The following GLIS3 variants were observed in gnomAD, a reference collection of about 807,000 sequenced individuals.
The protein encoded by GLIS3 is zinc finger protein GLIS3.
Under a neutral mutation model 78.6 loss-of-function variants are expected in GLIS3, and 53 were observed. The observed-to-expected ratio is 0.67, with a 90% CI of 0.54 to 0.85. GLIS3 has a LOEUF of 0.85. GLIS3 is among the 40% of genes least tolerant of loss of function. The probability of loss-of-function intolerance (pLI) is 0.00; values close to 1 mark genes in which losing one functional copy is unlikely to be tolerated. For synonymous variants in GLIS3, 684 were observed against 509.9 expected (o/e 1.34, Z -4.60); for missense variants, 1,703 against 1,231.1 (o/e 1.38, Z -5.74).
At chr9:4,322,308 G>C (rs1465061862) in intron 2 of GLIS3, among the ~76,000 whole-genome samples, 1 of 152,106 alleles carries the variant, frequency 6.6e-6, no homozygotes, top group Non-Finnish European at 1.5e-5. Flanking sequence ...TTCGAAGTCT[G>C]TGCTGTTGTG....
At chr9:3,864,956 G>A (rs1006963066) in intron 8 of GLIS3, among the ~76,000 whole-genome samples, 16 of 152,100 alleles carry the variant, frequency 1.1e-4, no homozygotes, top group African/African-American at 3.1e-4. Flanking sequence ...CACAGACCTG[G>A]TTCTCAACTT....
At chr9:4,011,152 A>G (rs1369567848) in intron 4 of GLIS3, among the ~76,000 whole-genome samples, 2 of 152,122 alleles carry the variant, frequency 1.3e-5, no homozygotes, top group African/African-American at 2.4e-5. Flanking sequence ...AGAGTCCAAA[A>G]TGCATGCCAG....
chr9:4,187,051 T>C (rs973643187), intron 2 of GLIS3, among the ~76,000 whole-genome samples: 26 of 152,332 alleles, frequency 1.7e-4, no homozygotes, highest in Non-Finnish European at 3.7e-4. Flanking sequence ...TTCAGTGTTT[T>C]AGACATGAAG....
At chr9:4,447,152 A>T in the GLIS3 span, among the ~76,000 whole-genome samples, 27 of 151,942 alleles carry the variant, frequency 1.8e-4, no homozygotes, top group African/African-American at 6.5e-4. Context: ...GGCTCAAATG[A>T]TTCTCCCACC....
chr9:4,054,196 G>A (rs1036334129), intron 4 of GLIS3: 59 of 362,202 alleles, frequency 1.6e-4, no homozygotes, highest in African/African-American at 1.3e-3. Flanking sequence ...ACAGCAGGAA[G>A]CCTGTCCACA....
chr9:4,437,221 A>T, the GLIS3 span, among the ~76,000 whole-genome samples: 1 of 152,204 alleles, frequency 6.6e-6, no homozygotes, highest in South Asian at 2.1e-4. Context: ...AGATCTTTAA[A>T]TACTACTTTT....
At chr9:4,295,021 G>C (rs1007270824) in intron 1 of GLIS3, among the ~76,000 whole-genome samples, 2 of 152,106 alleles carry the variant, frequency 1.3e-5, no homozygotes, top group Non-Finnish European at 2.9e-5. Context: ...ATGTTTCCTA[G>C]TCTTTTCCTT....
At chr9:4,393,481 C>G in the GLIS3 span, among the ~76,000 whole-genome samples, 1 of 152,166 alleles carries the variant, frequency 6.6e-6, no homozygotes, top group Non-Finnish European at 1.5e-5. Flanking sequence ...CATCCATTGC[C>G]TTATAATATC....
At chr9:4,057,296 G>C (rs924314442) in intron 4 of GLIS3, among the ~76,000 whole-genome samples, 2 of 151,886 alleles carry the variant, frequency 1.3e-5, no homozygotes, top group Non-Finnish European at 2.9e-5. Flanking sequence ...CTGAACAAGG[G>C]GCCCCACATT....
intron 4 of GLIS3, among the ~76,000 whole-genome samples, chr9:4,000,265 C>G (rs1473672669): frequency 6.6e-6 from 1 of 152,116 alleles, no homozygotes; most frequent in Non-Finnish European, 1.5e-5. Flanking sequence ...ATTATATACA[C>G]TTCAAAAGCA....
At chr9:4,211,329 G>C (rs1820353510) in intron 2 of GLIS3, among the ~76,000 whole-genome samples, 1 of 152,204 alleles carries the variant, frequency 6.6e-6, no homozygotes, top group South Asian at 2.1e-4. Flanking sequence ...TGTCAACAGT[G>C]GGTTTTCCAG....
At chr9:3,926,237 T>TC (rs1489798670) in intron 6 of GLIS3, among the ~76,000 whole-genome samples, 1 of 149,358 alleles carries the variant, frequency 6.7e-6, no homozygotes, top group Non-Finnish European at 1.5e-5. Flanking sequence ...TCTTTTGTTT[T>TC]TTTTTTTTTC....
At chr9:4,373,903 T>G in the GLIS3 span, among the ~76,000 whole-genome samples, 1 of 152,120 alleles carries the variant, frequency 6.6e-6, no homozygotes, top group Non-Finnish European at 1.5e-5. Flanking sequence ...CCTGACCTCG[T>G]GATCTGCCTG....
Position 3,856,129 on chromosome 9 carries a change from G to T in GLIS3, c.2353C>A (p.Pro785Thr). 6.2e-7 allele frequency: 1 copy of T among 1,614,166 alleles called. No individual in the cohort carries two copies. The highest frequency in any genetic ancestry group is 8.5e-7 in the Non-Finnish European group (1 of 1,180,008). Residue 785 changes from proline to threonine, a missense_variant, in exon 9 of 11, where the codon CCT (proline) becomes ACT (threonine). Physicochemically the swap from Pro to Thr is conservative, Grantham distance 38 (BLOSUM62 -1). Transcript: ENST00000381971. ...HHISPRRVPA[P>T]SSILQRTQPP... ...TGTGTTCTTTGCAGTATTGAAGAAG[G>T]AGCTGGAACTCTCCGGGGGCTGATG...
intron 2 of GLIS3, among the ~76,000 whole-genome samples, chr9:4,176,047 C>A (rs1816789121): frequency 6.6e-6 from 1 of 152,134 alleles, no homozygotes; most frequent in Non-Finnish European, 1.5e-5. Context: ...TGCAAGTGTG[C>A]CAAATGACAC....
intron 7 of GLIS3, among the ~76,000 whole-genome samples, chr9:3,894,366 G>T (rs950725523): frequency 1.3e-5 from 2 of 152,068 alleles, no homozygotes; most frequent in Admixed American, 6.5e-5. Flanking sequence ...ACCATTTTCT[G>T]AGAACAGACT....
chr9:4,165,445 G>GAAAAA (rs1835807470), intron 2 of GLIS3, among the ~76,000 whole-genome samples: 1 of 152,134 alleles, frequency 6.6e-6, no homozygotes, highest in Non-Finnish European at 1.5e-5. Flanking sequence ...CCGTCTCAAA[G>GAAAAA]ACAAAACAAA....
chr9:4,445,313 G>A, the GLIS3 span, among the ~76,000 whole-genome samples: 4 of 152,192 alleles, frequency 2.6e-5, no homozygotes, highest in African/African-American at 7.2e-5. Flanking sequence ...GAGTGATGAA[G>A]CAGGAAGCGA....
chr9:4,260,968 A>C (rs1825472634), intron 2 of GLIS3, among the ~76,000 whole-genome samples: 1 of 152,222 alleles, frequency 6.6e-6, no homozygotes, highest in South Asian at 2.1e-4. Flanking sequence ...AAAGAAATTA[A>C]AATTACATCC....
Sources: allele counts gnomAD v4.1 joint callset (sites outside exome capture counted in the v4.1 genomes callset), GRCh38; gene constraint gnomAD v4.1.1; transcripts MANE v1.5; gene names NCBI Gene and HGNC (gene_info 2026-07-23, HGNC 2026-07-21).